The following CIB1 variants were observed in gnomAD, a reference collection of about 807,000 sequenced individuals.
CIB1 encodes the protein calcium and integrin-binding protein 1.
Under a neutral mutation model 25.0 loss-of-function variants are expected in CIB1, and 19 were observed. The ratio of observed to expected loss-of-function variants is 0.76; its 90% CI spans 0.53 to 1.12. CIB1 has a LOEUF of 1.12. Among genes scored for constraint, CIB1 ranks in the 50% most tolerant of loss-of-function variants. CIB1 has a pLI of 0.00. For missense variants in CIB1, 236 were observed against 242.6 expected (o/e 0.97, Z 0.18); for synonymous variants, 104 against 98.5 (o/e 1.06, Z -0.33).
At chr15:90,260,099 C>G in the CIB1 span, among the ~76,000 whole-genome samples, 1 of 152,144 alleles carries the variant, frequency 6.6e-6, no homozygotes, top group African/African-American at 2.4e-5. Flanking sequence ...GACTGTGTAC[C>G]TGAGGGTCAT....
At chr15:90,255,626 G>C in the CIB1 span, 27 of 1,353,782 alleles carry the variant, frequency 2.0e-5, no homozygotes, top group Non-Finnish European at 2.8e-5. Context: ...GGGGTCCTTG[G>C]TGCAGTGCTT....
intron 6 of CIB1, 70 bp from the exon 7 acceptor site, chr15:90,230,575 C>A (rs1191812239): frequency 1.3e-6 from 2 of 1,501,126 alleles, no homozygotes; most frequent in South Asian, 1.2e-5. Flanking sequence ...AACTTGCCCC[C>A]TTCTCCCTTT....
the CIB1 span, chr15:90,242,197 C>T: frequency 1.5e-6 from 1 of 671,354 alleles, no homozygotes; most frequent in Non-Finnish European, 2.4e-6. Context: ...AAGTGATCCT[C>T]CCACCTCAGC....
chr15:90,246,901 T>G, the CIB1 span, among the ~76,000 whole-genome samples: 1 of 149,698 alleles, frequency 6.7e-6, no homozygotes, highest in Non-Finnish European at 1.5e-5. Context: ...AACACTAAAT[T>G]GTTTGTTGAT....
the CIB1 span, among the ~76,000 whole-genome samples, chr15:90,260,850 C>CAAA: frequency 0.041 from 2,453 of 60,186 alleles, 95 homozygotes; most frequent in African/African-American, 0.12. Flanking sequence ...GACTCTGTCT[C>CAAA]AAAAAAAAAA....
At chr15:90,250,520 C>T in the CIB1 span, 10 of 1,357,340 alleles carry the variant, frequency 7.4e-6, no homozygotes, top group South Asian at 1.3e-4. Context: ...TCCCTTATAA[C>T]AGCATGAAGG....
the CIB1 span, among the ~76,000 whole-genome samples, chr15:90,256,552 T>TCTTTCTTTCTTTCTTTCTTTC: frequency 4.2e-4 from 11 of 26,506 alleles, no homozygotes; most frequent in African/African-American, 2.0e-3. Context: ...CCTTTTTCTT[T>TCTTTCTTTCTTTCTTTCTTTC]CTTTCTTTCT....
the CIB1 span, chr15:90,253,436 C>A: frequency 1.7e-6 from 2 of 1,167,354 alleles, no homozygotes; most frequent in Non-Finnish European, 2.4e-6. Flanking sequence ...ACCTCCTTGC[C>A]CAGGCACCCA....
At chr15:90,238,818 T>C (rs1257328984), upstream of CIB1, among the ~76,000 whole-genome samples, 4 of 152,192 alleles carry the variant, frequency 2.6e-5, no homozygotes, top group Non-Finnish European at 5.9e-5. Context: ...TCTCATGCAC[T>C]GGAACTCAGG....
the CIB1 span, chr15:90,245,643 C>G: frequency 6.6e-6 from 1 of 152,040 alleles, no homozygotes; most frequent in South Asian, 2.1e-4. Context: ...GAAGGGAGTT[C>G]GGATGACCAT....
At chr15:90,231,300 A>G in intron 4 of CIB1, 57 bp downstream of exon 4, 1 of 1,608,538 alleles carries the variant, frequency 6.2e-7, no homozygotes, top group Non-Finnish European at 8.5e-7. Context: ...AAGCAGGGCC[A>G]CCACAAAGCC....
the CIB1 span, among the ~76,000 whole-genome samples, chr15:90,246,874 C>T: frequency 6.9e-6 from 1 of 145,914 alleles, no homozygotes; most frequent in East Asian, 2.0e-4. Context: ...TGGTCGAGGT[C>T]CTAGAATAGT....
the CIB1 span, chr15:90,250,764 A>G: frequency 1.2e-6 from 2 of 1,614,238 alleles, no homozygotes; most frequent in Middle Eastern, 1.6e-4. Context: ...AAAGCTGACT[A>G]TAAGGCATTA....
chr15:90,248,626 G>A, the CIB1 span, among the ~76,000 whole-genome samples: 2 of 147,298 alleles, frequency 1.4e-5, no homozygotes, highest in Non-Finnish European at 3.0e-5. Flanking sequence ...GAAGTGGGAG[G>A]ATTGCTTGAG....
chr15:90,256,280 C>T, the CIB1 span: 1 of 1,614,154 alleles, frequency 6.2e-7, no homozygotes, highest in Non-Finnish European at 8.5e-7. Context: ...TATGATCTGC[C>T]AGCAATACAT....
chr15:90,258,612 C>G, the CIB1 span: 1 of 773,098 alleles, frequency 1.3e-6, no homozygotes, highest in Non-Finnish European at 2.1e-6. Flanking sequence ...GCCTTGGAAG[C>G]CAGAGCATCC....
the CIB1 span, chr15:90,258,212 T>C: frequency 6.2e-7 from 1 of 1,614,236 alleles, no homozygotes; most frequent in Non-Finnish European, 8.5e-7. Context: ...GTGCCTGTTT[T>C]GAAATCCTTG....
At chr15:90,233,558 C>G in intron 2 of CIB1, 111 bp downstream of exon 2, 1 of 1,364,820 alleles carries the variant, frequency 7.3e-7, no homozygotes, top group Non-Finnish European at 1.0e-6. Flanking sequence ...CCTCCAGCTC[C>G]CGCTCCTCTG....
chr15:90,238,444 T>C (rs1273954615), upstream of CIB1: 2 of 152,232 alleles, frequency 1.3e-5, no homozygotes, highest in African/African-American at 4.8e-5. Context: ...ACTTTTGATA[T>C]GTAATTTTTT....
Sources: gnomAD v4.1 joint callset for allele counts (sites outside exome capture counted in the v4.1 genomes callset) on GRCh38, gnomAD v4.1.1 for gene constraint, MANE v1.5 for transcripts, NCBI Gene and HGNC (gene_info 2026-07-23, HGNC 2026-07-21) for gene names.